TAFA2: variants seen among roughly 807,000 people sequenced by gnomAD.
The protein encoded by TAFA2 is chemokine-like protein TAFA-2.
TAFA2 carries 7 observed loss-of-function variants against 18.8 expected under a neutral mutation model. The ratio of observed to expected loss-of-function variants is 0.37; its 90% confidence interval spans 0.21 to 0.70. TAFA2 has a LOEUF of 0.70. Among genes scored for constraint, TAFA2 ranks in the 30% least tolerant of loss-of-function variants. The pLI is 0.53. For synonymous variants in TAFA2, 60 were observed against 54.2 expected (o/e 1.11, Z -0.47); for missense variants, 122 against 158.1 (o/e 0.77, Z 1.23).
Position 61,775,909 on chromosome 12 carries a change from A to G in TAFA2, c.107-20885T>C, listed in dbSNP as rs141935578. The G allele has an allele frequency of 6.1e-3, 1,120 of 183,780 alleles. 33 individuals carry two copies. The highest frequency in any genetic ancestry group is 0.047 in the Admixed American group (885 of 19,012). The allele number at this position is 183,780 out of a possible 1,614,324, so 11.4% of individuals were successfully genotyped here. On this transcript the variant is annotated intron_variant, in intron 2 of 4. Transcript: ENST00000416284. ...CCTTTGGCAGGAACTTCCATACTTCAGTAATATGCCAAAACGACAAACACC... is the reference window on the plus strand; with the variant it reads ...CCTTTGGCAGGAACTTCCATACTTCGGTAATATGCCAAAACGACAAACACC...
chr12:61,811,187 G>A (rs1428712402), intron 2 of TAFA2, among the ~76,000 whole-genome samples: 6 of 151,300 alleles, frequency 4.0e-5, no homozygotes. Context: ...TAATGCATAT[G>A]AGCATTATTT....
chr12:62,196,806 A>G (rs554332644), upstream of TAFA2, among the ~76,000 whole-genome samples: 12 of 152,352 alleles, frequency 7.9e-5, no homozygotes, highest in South Asian at 2.5e-3. Flanking sequence ...GCTGCTGAAA[A>G]AATGGCACTG....
At chr12:61,847,980 T>C (rs1182086344) in intron 2 of TAFA2, among the ~76,000 whole-genome samples, 1 of 152,238 alleles carries the variant, frequency 6.6e-6, no homozygotes, top group East Asian at 1.9e-4. Context: ...GATTTTCATT[T>C]CTCTGTATAA....
intron 2 of TAFA2, among the ~76,000 whole-genome samples, chr12:61,843,182 T>C (rs1317189132): frequency 6.6e-6 from 1 of 152,166 alleles, no homozygotes; most frequent in South Asian, 2.1e-4. Flanking sequence ...AGGGCAATCA[T>C]GAAAAGTTAT....
Position 61,764,890 on chromosome 12 carries a change from G to A in TAFA2, c.107-9866C>T, listed in dbSNP as rs539405914. Among the ~76,000 whole-genome samples, 8 of 152,048 alleles carry A rather than the reference G, an allele frequency of 5.3e-5. No homozygotes were observed. In the East Asian group the frequency reaches 5.8e-4, roughly 11 times the overall value. The stretch of plus-strand genomic sequence containing the variant: ...ATAATATTCACTATAAAGTCAATCC[G>A]CACCCACACTTCTTTATGTACAAAA... On this transcript the variant is annotated intron_variant, in intron 2 of 4. Transcript: ENST00000416284.
At chr12:62,193,814 ACC>A (rs2062637393), upstream of TAFA2, among the ~76,000 whole-genome samples, 1 of 152,194 alleles carries the variant, frequency 6.6e-6, no homozygotes, top group South Asian at 2.1e-4. Flanking sequence ...ATTATTAAAC[ACC>A]CTTCCATTCA....
intron 1 of TAFA2, among the ~76,000 whole-genome samples, chr12:62,058,895 C>T (rs983833589): frequency 6.6e-6 from 1 of 152,034 alleles, no homozygotes; most frequent in African/African-American, 2.4e-5. Context: ...CGAGGCCAGG[C>T]GATCGAGACT....
intron 3 of TAFA2, among the ~76,000 whole-genome samples, chr12:61,754,658 A>G (rs1334276105): frequency 2.6e-5 from 4 of 151,960 alleles, no homozygotes; most frequent in African/African-American, 9.7e-5. Flanking sequence ...CCTCATTATA[A>G]TGCCTTTTGT....
At chr12:62,043,554 G>A (rs1159961168) in intron 1 of TAFA2, among the ~76,000 whole-genome samples, 5 of 151,998 alleles carry the variant, frequency 3.3e-5, no homozygotes, top group African/African-American at 9.7e-5. Context: ...CATGGCACAT[G>A]TATACATATG....
intron 1 of TAFA2, among the ~76,000 whole-genome samples, chr12:62,158,116 A>G (rs1329016074): frequency 6.6e-6 from 1 of 152,232 alleles, no homozygotes; most frequent in Non-Finnish European, 1.5e-5. Flanking sequence ...GTTTATCCCA[A>G]ATAAATTCTT....
intron 1 of TAFA2, among the ~76,000 whole-genome samples, chr12:61,954,843 T>C (rs1878595941): frequency 1.3e-5 from 2 of 152,198 alleles, no homozygotes; most frequent in Non-Finnish European, 2.9e-5. Context: ...TTAACACAGA[T>C]ACTTCGACTT....
intron 1 of TAFA2, among the ~76,000 whole-genome samples, chr12:62,141,786 C>G (rs1412642151): frequency 6.6e-6 from 1 of 152,136 alleles, no homozygotes; most frequent in Non-Finnish European, 1.5e-5. Context: ...CTGCACAGGG[C>G]TTTTCTTTAT....
intron 4 of TAFA2, among the ~76,000 whole-genome samples, chr12:61,748,192 A>G (rs936493403): frequency 2.6e-5 from 4 of 152,138 alleles, no homozygotes; most frequent in African/African-American, 4.8e-5. Flanking sequence ...TCAAAACATT[A>G]TAATGCAACC....
intron 2 of TAFA2, among the ~76,000 whole-genome samples, chr12:61,860,133 C>T (rs900399740): frequency 6.6e-6 from 1 of 152,134 alleles, no homozygotes; most frequent in African/African-American, 2.4e-5. Context: ...ATATGTATAA[C>T]ATGTTTATGA....
intron 2 of TAFA2, among the ~76,000 whole-genome samples, chr12:61,818,255 C>T (rs1022917557): frequency 3.9e-5 from 6 of 152,126 alleles, no homozygotes; most frequent in Non-Finnish European, 7.4e-5. Context: ...TCTGTCAAAC[C>T]CCATTCTATA....
chr12:62,148,274 G>A (rs2062302094), intron 1 of TAFA2, among the ~76,000 whole-genome samples: 1 of 152,154 alleles, frequency 6.6e-6, no homozygotes, highest in South Asian at 2.1e-4. Context: ...ATTCACAATG[G>A]CAAAGACATA....
chr12:61,949,114 T>C (rs1224025746), intron 1 of TAFA2, among the ~76,000 whole-genome samples: 1 of 152,116 alleles, frequency 6.6e-6, no homozygotes, highest in African/African-American at 2.4e-5. Flanking sequence ...TCTGAATCCA[T>C]AGACTCCGTA....
intron 1 of TAFA2, chr12:62,255,166 G>A (rs1247618233): frequency 6.6e-6 from 1 of 152,122 alleles, no homozygotes; most frequent in Non-Finnish European, 1.5e-5. Flanking sequence ...ATTTTTAAAT[G>A]AGTATAAAAA....
At chr12:61,911,382 C>T (rs1876605545) in intron 1 of TAFA2, among the ~76,000 whole-genome samples, 1 of 152,198 alleles carries the variant, frequency 6.6e-6, no homozygotes, top group African/African-American at 2.4e-5. Flanking sequence ...ATTTATCTTA[C>T]ACTCATTATT....
Sources: gnomAD v4.1 joint callset for allele counts (sites outside exome capture counted in the v4.1 genomes callset) on GRCh38, gnomAD v4.1.1 for gene constraint, MANE v1.5 for transcripts, NCBI Gene and HGNC (gene_info 2026-07-23, HGNC 2026-07-21) for gene names.